Variants in HNRNPLL observed in about 807,000 individuals in gnomAD.
The protein encoded by HNRNPLL is heterogeneous nuclear ribonucleoprotein L-like.
In HNRNPLL, 25 loss-of-function variants were observed where a neutral mutation model predicts 67.1. That is an observed-to-expected ratio of 0.37 (90% CI 0.27 to 0.52). The LOEUF is 0.52. Ranked by LOEUF, HNRNPLL falls within the 20% of genes least tolerant of loss-of-function variation. The probability of loss-of-function intolerance (pLI) is 0.90; values close to 1 mark genes in which losing one functional copy is unlikely to be tolerated. For synonymous variants in HNRNPLL, 267 were observed against 241.7 expected (o/e 1.10, Z -0.97); for missense variants, 542 against 673.9 (o/e 0.80, Z 2.17).
At position 38,564,059 on chromosome 2, in the gene HNRNPLL, C is replaced by T. The variant is rs1159709661; in HGVS notation, c.*123G>A. On this transcript the variant is annotated 3_prime_UTR_variant, in exon 13 of 13. Coordinates refer to ENST00000449105, the MANE Select transcript of HNRNPLL (RefSeq NM_138394.4). ...TACTCAAGGCAAAATATGTTTATTA[C>T]AGAACAGGATCTTAAAGTAAGCAAG... is the stretch of plus-strand genomic sequence containing the variant. The T allele has an allele frequency of 1.5e-6, 1 of 686,296 alleles. No individual in the cohort carries two copies. The highest frequency in any genetic ancestry group is 2.6e-5 in the East Asian group (1 of 38,566). The allele number at this position is 686,296 out of a possible 1,614,324, so 42.5% of individuals were successfully genotyped here.
At chr2:38,593,450 AG>A (rs1283906081) in intron 1 of HNRNPLL, among the ~76,000 whole-genome samples, 8 of 152,254 alleles carry the variant, frequency 5.3e-5, no homozygotes, top group Non-Finnish European at 2.9e-5. Flanking sequence ...TACAATTAAG[AG>A]AATCATTTCA....
At chr2:38,597,835 G>A (rs138280363) in intron 1 of HNRNPLL, among the ~76,000 whole-genome samples, 4,234 of 151,934 alleles carry the variant, frequency 0.028, 213 homozygotes, top group African/African-American at 0.097. Context: ...TTACAGGCGC[G>A]TGCCACCACA....
chr2:38,591,847 G>A (rs905736600), intron 1 of HNRNPLL, among the ~76,000 whole-genome samples, 199 bp from the exon 2 acceptor site: 4 of 152,008 alleles, frequency 2.6e-5, no homozygotes, highest in East Asian at 1.9e-4. Flanking sequence ...ATGGTGGCAC[G>A]TGTCTGTAAT....
chr2:38,586,007 G>C (rs779561545), intron 2 of HNRNPLL, 126 bp from the exon 3 acceptor site: 1 of 684,594 alleles, frequency 1.5e-6, no homozygotes, highest in Non-Finnish European at 2.6e-6. Context: ...TTCACTACCT[G>C]TGTCCAACGT....
intron 6 of HNRNPLL, 65 bp downstream of exon 6, chr2:38,581,848 A>T: frequency 2.0e-6 from 2 of 1,020,614 alleles, no homozygotes; most frequent in Non-Finnish European, 3.1e-6. Flanking sequence ...AGGAAAAAAG[A>T]ATCTAACTGC....
chr2:38,578,783 G>A (rs1159449721), intron 6 of HNRNPLL, among the ~76,000 whole-genome samples: 2 of 151,948 alleles, frequency 1.3e-5, no homozygotes, highest in Non-Finnish European at 2.9e-5. Context: ...TATAGAAATT[G>A]ATCCTCTACC....
At chr2:38,597,254 G>C (rs1351640253) in intron 1 of HNRNPLL, among the ~76,000 whole-genome samples, 1 of 152,086 alleles carries the variant, frequency 6.6e-6, no homozygotes, top group Admixed American at 6.5e-5. Flanking sequence ...GATTTATTAA[G>C]TCACACCTAA....
chr2:38,599,908 T>C (rs1321558399), intron 1 of HNRNPLL: 1 of 471,370 alleles, frequency 2.1e-6, no homozygotes, highest in African/African-American at 2.0e-5. Flanking sequence ...CTGCATTTAC[T>C]TTAACAGTCT....
At chr2:38,571,551 C>T (rs913269026) in intron 8 of HNRNPLL, among the ~76,000 whole-genome samples, 10 of 152,152 alleles carry the variant, frequency 6.6e-5, no homozygotes, top group African/African-American at 2.4e-4. Context: ...TGTACTTGAA[C>T]AAAACTCAGT....
At chr2:38,570,016 G>T in intron 8 of HNRNPLL, 91 bp from the exon 9 acceptor site, 1 of 821,810 alleles carries the variant, frequency 1.2e-6, no homozygotes, top group Non-Finnish European at 1.9e-6. Context: ...AGTGGTTAAA[G>T]TAAAATACGG....
intron 6 of HNRNPLL, among the ~76,000 whole-genome samples, chr2:38,578,214 T>C (rs896439202): frequency 1.3e-5 from 2 of 152,054 alleles, no homozygotes; most frequent in African/African-American, 4.8e-5. Context: ...CCAAGGGGGC[T>C]ACATTATTGG....
chr2:38,562,482 G>A lies in HNRNPLL; in HGVS notation c.*1700C>T, dbSNP rs1357300832. 1 of 152,004 alleles carries A rather than the reference G, an allele frequency of 6.6e-6. No individual in the cohort carries two copies. The highest frequency in any genetic ancestry group is 1.9e-4 in the East Asian group (1 of 5,194). 9.4% of individuals were successfully genotyped at this position (152,004 alleles called of 1,614,324 possible). On this transcript the variant is annotated 3_prime_UTR_variant, in exon 13 of 13. Coordinates refer to ENST00000449105, the MANE Select transcript of HNRNPLL (RefSeq NM_138394.4). ...ACAACCCACATTAATTTTCAGAGGA[G>A]GAAGGAACGTAGACAACTATTACAT...
chr2:38,566,750 G>C (rs1220359516), intron 12 of HNRNPLL, among the ~76,000 whole-genome samples: 1 of 151,510 alleles, frequency 6.6e-6, no homozygotes, highest in African/African-American at 2.4e-5. Flanking sequence ...TTGGGAGGCT[G>C]AGGCAGGAGG....
Position 38,598,557 on chromosome 2 carries a change from G to A in HNRNPLL, c.189+3881C>T, listed in dbSNP as rs187309016. Among the ~76,000 whole-genome samples, 992 of 152,302 alleles carry A rather than the reference G, an allele frequency of 6.5e-3. 10 individuals are homozygous for A. The highest frequency in any genetic ancestry group is 0.021 in the African/African-American group (875 of 41,558). ...CATGGAGGCAAAAAAAGCAATATAT[G>A]ATGTAGAACCAGATTTTTAGATATG... On this transcript the variant is annotated intron_variant, in intron 1 of 12. Transcript: ENST00000449105.
At position 38,581,916 on chromosome 2, in the gene HNRNPLL, G is replaced by A. The variant is rs1233425058; in HGVS notation, c.799C>T (p.Arg267Ter). 6.2e-7 allele frequency: 1 copy of A among 1,600,488 alleles called. No individual in the cohort carries two copies. Among genetic ancestry groups the A allele is most frequent in the Non-Finnish European group, 8.6e-7 (1 of 1,167,892 alleles). ...WDYTKPYLGR[R>*]DRGKGRQRQA... Reference sequence around the variant, plus strand: ...CTAAAATGTATAAAATACCTACCTCGTCTTCCCAAATATGGTTTAGTGTAG... The same window carrying A: ...CTAAAATGTATAAAATACCTACCTCATCTTCCCAAATATGGTTTAGTGTAG... Residue 267 changes from arginine (R) to a stop codon, truncating the protein, a stop_gained, in exon 6 of 13, where the codon CGA becomes TGA. Coordinates refer to ENST00000449105, the MANE Select transcript of HNRNPLL (RefSeq NM_138394.4). LOFTEE classifies it high-confidence loss of function.
At chr2:38,564,878 CTTGG>C (rs2148330980) in intron 12 of HNRNPLL, among the ~76,000 whole-genome samples, 1 of 151,526 alleles carries the variant, frequency 6.6e-6, no homozygotes, top group Non-Finnish European at 1.5e-5. Context: ...TCAAATACAG[CTTGG>C]GAAGTAGGTC....
chr2:38,583,065 C>T lies in HNRNPLL; in HGVS notation c.632+776G>A, dbSNP rs559948275. 3.9e-5 allele frequency among the ~76,000 whole-genome samples: 6 copies of T among 152,052 alleles called. No homozygotes were observed. The South Asian group carries it at 1.0e-3, about 26-fold the overall frequency. Reference sequence around the variant, plus strand: ...AAAAGATTTTACTCTTTAAGAAGAACATTACAAAGAGCCAAAGTAATACAA... The same window carrying T: ...AAAAGATTTTACTCTTTAAGAAGAATATTACAAAGAGCCAAAGTAATACAA... On this transcript the variant is annotated intron_variant, in intron 4 of 12. Coordinates refer to ENST00000449105, the MANE Select transcript of HNRNPLL (RefSeq NM_138394.4).
At chr2:38,585,233 A>C (rs973088965) in intron 3 of HNRNPLL, among the ~76,000 whole-genome samples, 2 of 152,244 alleles carry the variant, frequency 1.3e-5, no homozygotes, top group Admixed American at 6.5e-5. Flanking sequence ...ACAGATTTTT[A>C]ACAAGCTATT....
At chr2:38,582,453 G>C (rs1194725443) in intron 4 of HNRNPLL, among the ~76,000 whole-genome samples, 1 of 152,070 alleles carries the variant, frequency 6.6e-6, no homozygotes, top group South Asian at 2.1e-4. Context: ...TGGGACTACA[G>C]GTGTGTGCCA....
Sources: allele counts gnomAD v4.1 joint callset (sites outside exome capture counted in the v4.1 genomes callset), GRCh38; gene constraint gnomAD v4.1.1; transcripts MANE v1.5; gene names NCBI Gene and HGNC (gene_info 2026-07-23, HGNC 2026-07-21).